Variants in LOC128092252 observed in about 807,000 individuals in gnomAD.
chr15:50,648,984 AT>A, the LOC128092252 span: 1 of 811,420 alleles, frequency 1.2e-6, no homozygotes, highest in Non-Finnish European at 1.8e-6. Context: ...AAGCTTTAAA[AT>A]TTTTATATTT....
chr15:50,658,081 T>G, the LOC128092252 span, among the ~76,000 whole-genome samples: 1 of 150,740 alleles, frequency 6.6e-6, no homozygotes, highest in African/African-American at 2.4e-5. Context: ...CTCAGCTCAC[T>G]GCAAGCTCCG....
At chr15:50,663,462 T>A in the LOC128092252 span, among the ~76,000 whole-genome samples, 1 of 152,300 alleles carries the variant, frequency 6.6e-6, no homozygotes, top group East Asian at 1.9e-4. Flanking sequence ...TTTTATTTAC[T>A]TTTCACTACA....
the LOC128092252 span, among the ~76,000 whole-genome samples, chr15:50,657,541 T>C: frequency 2.0e-4 from 30 of 152,290 alleles, no homozygotes; most frequent in Admixed American, 1.3e-3. Flanking sequence ...CTGCTCTCGC[T>C]GCCTAAAATT....
the LOC128092252 span, among the ~76,000 whole-genome samples, chr15:50,651,431 G>A: frequency 1.3e-5 from 2 of 151,396 alleles, no homozygotes; most frequent in Admixed American, 6.6e-5. Context: ...GGATCACGAG[G>A]TCAGGAGATC....
chr15:50,683,014 C>A, the LOC128092252 span, among the ~76,000 whole-genome samples: 1 of 151,794 alleles, frequency 6.6e-6, no homozygotes, highest in Admixed American at 6.6e-5. Flanking sequence ...TCCCAAGTAG[C>A]TGGGACCACA....
chr15:50,678,735 T>C, the LOC128092252 span, among the ~76,000 whole-genome samples: 1 of 152,008 alleles, frequency 6.6e-6, no homozygotes, highest in Non-Finnish European at 1.5e-5. Flanking sequence ...GTTCTATATA[T>C]TTAAAAACTT....
the LOC128092252 span, among the ~76,000 whole-genome samples, chr15:50,649,176 C>T: frequency 1.3e-5 from 2 of 152,064 alleles, no homozygotes; most frequent in South Asian, 2.1e-4. Flanking sequence ...CTGTGGCTCA[C>T]GCGGGTAATC....
At chr15:50,669,932 C>T in the LOC128092252 span, among the ~76,000 whole-genome samples, 1 of 152,294 alleles carries the variant, frequency 6.6e-6, no homozygotes. Flanking sequence ...GACAGTTTTA[C>T]TTATTTTGCT....
the LOC128092252 span, among the ~76,000 whole-genome samples, chr15:50,655,089 T>C: frequency 7.3e-6 from 1 of 137,128 alleles, no homozygotes; most frequent in East Asian, 2.2e-4. Flanking sequence ...CCTGAAGACA[T>C]CAATAGAAAT....
At chr15:50,670,133 A>C in the LOC128092252 span, among the ~76,000 whole-genome samples, 1 of 152,150 alleles carries the variant, frequency 6.6e-6, no homozygotes, top group African/African-American at 2.4e-5. Context: ...AAGAGACCTT[A>C]ATAGTTAGGC....
the LOC128092252 span, among the ~76,000 whole-genome samples, chr15:50,652,776 A>G: frequency 6.6e-6 from 1 of 152,270 alleles, no homozygotes; most frequent in Admixed American, 6.6e-5. Context: ...TGAGGTGGGA[A>G]GACTGCTTGA....
the LOC128092252 span, among the ~76,000 whole-genome samples, chr15:50,677,753 A>AC: frequency 2.0e-5 from 3 of 150,158 alleles, no homozygotes; most frequent in East Asian, 3.9e-4. Flanking sequence ...AAAAAAAAAA[A>AC]AAAAAAACAA....
chr15:50,666,499 G>A, the LOC128092252 span, among the ~76,000 whole-genome samples: 5 of 151,694 alleles, frequency 3.3e-5, no homozygotes, highest in Admixed American at 6.6e-5. Context: ...AGAAAACGAA[G>A]AGGAAGAGGA....
the LOC128092252 span, among the ~76,000 whole-genome samples, chr15:50,650,997 G>A: frequency 0.014 from 2,123 of 151,994 alleles, 47 homozygotes; most frequent in African/African-American, 0.049. Flanking sequence ...AGACCAGCCC[G>A]GGCAACATGG....
the LOC128092252 span, among the ~76,000 whole-genome samples, chr15:50,655,463 CCTT>C: frequency 6.9e-6 from 1 of 145,268 alleles, no homozygotes; most frequent in Non-Finnish European, 1.5e-5. Flanking sequence ...AAACAAAAAA[CCTT>C]CTCAATCAGG....
At chr15:50,655,529 A>G in the LOC128092252 span, among the ~76,000 whole-genome samples, 1 of 152,108 alleles carries the variant, frequency 6.6e-6, no homozygotes, top group Non-Finnish European at 1.5e-5. Context: ...TACAAAGAGA[A>G]TCACTCTCAG....
chr15:50,650,138 A>G, the LOC128092252 span, among the ~76,000 whole-genome samples: 3 of 141,646 alleles, frequency 2.1e-5, no homozygotes, highest in Non-Finnish European at 3.0e-5. Context: ...GACCACAGTG[A>G]GCAGAGATTG....
the LOC128092252 span, among the ~76,000 whole-genome samples, chr15:50,682,256 T>C: frequency 0.18 from 26,570 of 148,844 alleles, 3,099 homozygotes; most frequent in East Asian, 0.46. Context: ...AAAAAACTGC[T>C]TACCTCCACA....
chr15:50,652,104 G>A, the LOC128092252 span, among the ~76,000 whole-genome samples: 14 of 151,394 alleles, frequency 9.2e-5, no homozygotes, highest in African/African-American at 1.7e-4. Context: ...GGGCCGAGGC[G>A]GGTGGACCAC....
Sources: gnomAD v4.1 joint callset for allele counts (sites outside exome capture counted in the v4.1 genomes callset) on GRCh38, gnomAD v4.1.1 for gene constraint, MANE v1.5 for transcripts.